MLST8: variants seen among roughly 807,000 people sequenced by gnomAD.
MLST8 encodes target of rapamycin complex subunit LST8.
A neutral mutation model predicts 41.3 loss-of-function variants in MLST8; 20 were observed. That is an observed-to-expected ratio of 0.48 (90% CI 0.34 to 0.70). MLST8 has a LOEUF of 0.70. Among genes scored for constraint, MLST8 ranks in the 30% least tolerant of loss-of-function variants. The pLI, the probability that MLST8 is intolerant of heterozygous loss-of-function variation, is 0.01. For synonymous variants in MLST8, 243 were observed against 183.0 expected (o/e 1.33, Z -2.65); for missense variants, 422 against 454.3 (o/e 0.93, Z 0.65).
intron 6 of MLST8, 135 bp downstream of exon 6, chr16:2,207,480 GC>G: frequency 2.7e-6 from 3 of 1,100,546 alleles, no homozygotes; most frequent in Non-Finnish European, 3.9e-6. Context: ...CACCCACCTT[GC>G]CAGCAAAGCC....
At chr16:2,207,644 T>A (rs949864592) in intron 6 of MLST8, 8 of 439,724 alleles carry the variant, frequency 1.8e-5, no homozygotes, top group Non-Finnish European at 2.9e-5. Flanking sequence ...GCTGACACAC[T>A]CTCTGAGGCT....
rs557627062 is a variant in MLST8 at position 2,206,052 on chromosome 16, G to T, written c.-34G>T. ...GCAGATGCTCTGACCTTTGACCCCT[G>T]CCGTTCAGCTCTAGGGCCCGTGCAG... On this transcript the variant is annotated 5_prime_UTR_variant, in exon 2 of 9. Coordinates refer to ENST00000569417, the MANE Select transcript of MLST8 (RefSeq NM_022372.6). 1.3e-5 allele frequency: 20 copies of T among 1,548,536 alleles called. No individual in the cohort carries two copies. In the East Asian group the frequency reaches 3.2e-4, roughly 25 times the overall value.
rs201676264 is a variant in MLST8 at position 2,206,540 on chromosome 16, T to G, written c.225T>G (p.Pro75=). The change falls in exon 4 of 9, where the codon CCT becomes CCG. Residue 75 remains proline, a synonymous_variant. Coordinates refer to ENST00000569417, the MANE Select transcript of MLST8 (RefSeq NM_022372.6). ...TGTATGATCTCAACTCCAATAACCC[T>G]AACCCCATCATCAGCTACGACGGCG... The part of the protein sequence containing the change: ...IRMYDLNSNN[P]NPIISYDGVN... 1 of 1,613,940 alleles carries G rather than the reference T, an allele frequency of 6.2e-7. No homozygotes were observed. The highest frequency in any genetic ancestry group is 1.7e-5 in the Admixed American group (1 of 60,006).
At position 2,208,630 on chromosome 16, in the gene MLST8, C is replaced by T. The variant is rs1208611340; in HGVS notation, c.862+17C>T. 3 of 1,611,870 alleles carry T rather than the reference C, an allele frequency of 1.9e-6. No individual in the cohort carries two copies. The East Asian group carries it at 6.7e-5, about 36-fold the overall frequency. ...TCGTCACTGGTGAGCCCCGCCCTGGCCTCCCCCATCCCTGGCCCCCGGCGC... is the reference window on the plus strand; with the variant it reads ...TCGTCACTGGTGAGCCCCGCCCTGGTCTCCCCCATCCCTGGCCCCCGGCGC... On this transcript the variant is annotated intron_variant, in intron 8 of 8. Coordinates refer to ENST00000569417, the MANE Select transcript of MLST8 (RefSeq NM_022372.6).
At position 2,207,053 on chromosome 16, in the gene MLST8, C is replaced by T; in HGVS notation, c.363C>T (p.Cys121=). The change falls in exon 5 of 9, where the codon TGC becomes TGT. Residue 121 remains cysteine, a synonymous_variant. Transcript: ENST00000569417. ...IWDLRSRNLQ[C]QRIFQVNAPI... ...CCCGCAGGTCCCGGAACCTGCAGTG[C>T]CAGCGGATCTTCCAGGTGAACGCAC... 6.2e-7 allele frequency: 1 copy of T among 1,613,550 alleles called. No individual in the cohort carries two copies. Among genetic ancestry groups the T allele is most frequent in the Non-Finnish European group, 8.5e-7 (1 of 1,179,988 alleles).
chr16:2,209,042 C>T lies in MLST8; in HGVS notation c.*165C>T, dbSNP rs1017157175. ...GCCAGGCTGCCCTGGGACTCTCAGC[C>T]CCCAGTTGCTTATCCAGATGTGACA... On this transcript the variant is annotated 3_prime_UTR_variant, in exon 9 of 9. Coordinates refer to ENST00000569417, the MANE Select transcript of MLST8 (RefSeq NM_022372.6). 1.3e-6 allele frequency: 1 copy of T among 751,236 alleles called. No homozygotes were observed. Among genetic ancestry groups the T allele is most frequent in the Non-Finnish European group, 2.2e-6 (1 of 450,596 alleles). The allele number at this position is 751,236 out of a possible 1,614,324, so 46.5% of individuals were successfully genotyped here.
chr16:2,206,092 A>T lies in MLST8; in HGVS notation c.7A>T (p.Thr3Ser), dbSNP rs1443101666. 1 of 1,598,704 alleles carries T rather than the reference A, an allele frequency of 6.3e-7. No individual in the cohort carries two copies. Among genetic ancestry groups the T allele is most frequent in the Non-Finnish European group, 8.5e-7 (1 of 1,169,906 alleles). The change falls in exon 2 of 9, where the codon ACC (threonine) becomes TCC (serine). Residue 3 changes from threonine to serine, a missense_variant. Transcript: ENST00000569417. MN[T>S]SPGTVGSDPV... Reference sequence around the variant, plus strand: ...GGCCCGTGCAGGCCACACCATGAACACCTCCCCAGGCACGGTGGGCAGTGA... The same window carrying T: ...GGCCCGTGCAGGCCACACCATGAACTCCTCCCCAGGCACGGTGGGCAGTGA...
chr16:2,206,848 C>A, intron 4 of MLST8, 187 bp from the exon 5 acceptor site: 1 of 1,018,460 alleles, frequency 9.8e-7, no homozygotes, highest in Non-Finnish European at 1.5e-6. Context: ...CCGGAGCCAG[C>A]TTGTTATTCC....
chr16:2,205,458 C>T lies in MLST8; in HGVS notation c.-110C>T, dbSNP rs1016640759. On this transcript the variant is annotated 5_prime_UTR_variant, in exon 1 of 9. Transcript: ENST00000569417. ...ACTCTACGCTCGGCCTCGATCGACT[C>T]GCTCCGGCTCCCCTCGCCGTCCTGG... 8.4e-4 allele frequency: 129 copies of T among 153,382 alleles called. No individual in the cohort carries two copies. The highest frequency in any genetic ancestry group is 3.0e-3 in the African/African-American group (124 of 41,576). 9.5% of individuals were successfully genotyped at this position (153,382 alleles called of 1,614,324 possible). A position where few individuals can be genotyped will look rare whatever the true frequency, so the allele number is the denominator to read the frequency against.
At position 2,207,032 on chromosome 16, in the gene MLST8, C is replaced by A. The variant is rs2093305372; in HGVS notation, c.345-3C>A. On this transcript the variant is annotated splice_polypyrimidine_tract_variant and splice_region_variant and intron_variant, in intron 4 of 8. Transcript: ENST00000569417. ...ACAGCATGTGCCCCGGCCCGGCCCG[C>A]AGGTCCCGGAACCTGCAGTGCCAGC... The A allele has an allele frequency of 6.2e-7, 1 of 1,613,094 alleles. No individual in the cohort carries two copies. Among genetic ancestry groups the A allele is most frequent in the Non-Finnish European group, 8.5e-7 (1 of 1,179,884 alleles).
rs2093349633 is a variant in MLST8, at chr16:2,208,745, A to G, written c.863-14A>G. 4.3e-6 allele frequency: 7 copies of G among 1,613,464 alleles called. No individual in the cohort carries two copies. Among genetic ancestry groups the G allele is most frequent in the South Asian group, 1.1e-5 (1 of 91,050 alleles). On this transcript the variant is annotated splice_polypyrimidine_tract_variant and intron_variant, in intron 8 of 8. Transcript: ENST00000569417. ...GCACCTGCGCTCTTAGCCCTGCACAATCTCCCCCTCCAGCTTCCTCGGACA... is the reference window on the plus strand; with the variant it reads ...GCACCTGCGCTCTTAGCCCTGCACAGTCTCCCCCTCCAGCTTCCTCGGACA...
chr16:2,207,057 C>T lies in MLST8; in HGVS notation c.367C>T (p.Arg123Trp), dbSNP rs978979894. ...DLRSRNLQCQ[R>W]IFQVNAPINC... is the part of the protein sequence containing the mutation. ...CAGGTCCCGGAACCTGCAGTGCCAGCGGATCTTCCAGGTGAACGCACCCAT... is the reference window on the plus strand; with the variant it reads ...CAGGTCCCGGAACCTGCAGTGCCAGTGGATCTTCCAGGTGAACGCACCCAT... Residue 123 changes from arginine (R) to tryptophan (W), a missense_variant, in exon 5 of 9, where the codon CGG becomes TGG. Coordinates refer to ENST00000569417, the MANE Select transcript of MLST8 (RefSeq NM_022372.6). 2 of 1,613,596 alleles carry T rather than the reference C, an allele frequency of 1.2e-6. No homozygotes were observed. Among genetic ancestry groups the T allele is most frequent in the East Asian group, 2.2e-5 (1 of 44,878 alleles).
At chr16:2,206,799 G>A (rs1238471156) in intron 4 of MLST8, 140 bp downstream of exon 4, 5 of 1,094,394 alleles carry the variant, frequency 4.6e-6, no homozygotes, top group Middle Eastern at 1.9e-4. Context: ...AGGACAGGAG[G>A]AGAGTGAATT....
chr16:2,208,251 C>T lies in MLST8; in HGVS notation c.615C>T (p.Asp205=), dbSNP rs532321535. Residue 205 remains aspartate (D), a synonymous_variant, in exon 7 of 9, where the codon GAC becomes GAT. Transcript: ENST00000569417. ...GGAATCTGACGGGGGGCATTGGTGA[C>T]GAGGTGACCCAGCTCATCCCCAAGA... is the stretch of plus-strand genomic sequence containing the variant. The part of the protein sequence containing the change: ...YVWNLTGGIG[D]EVTQLIPKTK... 87 of 1,613,518 alleles carry T rather than the reference C, an allele frequency of 5.4e-5. No individual in the cohort carries two copies. The highest frequency in any genetic ancestry group is 4.6e-4 in the South Asian group (42 of 91,060).
Position 2,208,921 on chromosome 16 carries a change from G to A in MLST8, c.*44G>A. On this transcript the variant is annotated 3_prime_UTR_variant, in exon 9 of 9. Transcript: ENST00000569417. ...TGCCTGGTGCAGGTGGTGGCAGCTG[G>A]AGGGACCCATGCAGCACCCAGGTCA... The A allele has an allele frequency of 1.3e-6, 2 of 1,598,712 alleles. No homozygotes were observed. The highest frequency in any genetic ancestry group is 1.7e-6 in the Non-Finnish European group (2 of 1,171,546).
Position 2,209,049 on chromosome 16 carries a change from T to G in MLST8, c.*172T>G, listed in dbSNP as rs1168491380. On this transcript the variant is annotated 3_prime_UTR_variant, in exon 9 of 9. Transcript: ENST00000569417. ...TGCCCTGGGACTCTCAGCCCCCAGT[T>G]GCTTATCCAGATGTGACAGAGCTCG... The G allele has an allele frequency of 2.8e-6, 2 of 725,584 alleles. No individual in the cohort carries two copies. The highest frequency in any genetic ancestry group is 4.6e-6 in the Non-Finnish European group (2 of 431,000). The allele number at this position is 725,584 out of a possible 1,614,324, so 44.9% of individuals were successfully genotyped here.
Position 2,207,129 on chromosome 16 carries a change from G to T in MLST8, c.420+19G>T. 1 of 1,613,404 alleles carries T rather than the reference G, an allele frequency of 6.2e-7. No homozygotes were observed. Among genetic ancestry groups the T allele is most frequent in the Non-Finnish European group, 8.5e-7 (1 of 1,179,540 alleles). On this transcript the variant is annotated intron_variant, in intron 5 of 8. Coordinates refer to ENST00000569417, the MANE Select transcript of MLST8 (RefSeq NM_022372.6). ...CAACCAGGTGAGGGGTGCTCATGGG[G>T]CCAGGCACCCTGGGACTTTGGAGGG...
intron 1 of MLST8, 89 bp from the exon 2 acceptor site, chr16:2,205,942 T>G: frequency 6.9e-7 from 1 of 1,448,220 alleles, no homozygotes; most frequent in South Asian, 1.5e-5. Flanking sequence ...AAAATGGGAA[T>G]GATAAGCGCC....
chr16:2,207,389 C>T, intron 6 of MLST8, 44 bp downstream of exon 6: 1 of 1,595,826 alleles, frequency 6.3e-7, no homozygotes, highest in Non-Finnish European at 8.6e-7. Flanking sequence ...GCTTGGCACT[C>T]AGCCCTCAGC....
Sources: allele counts gnomAD v4.1 joint callset, GRCh38; gene constraint gnomAD v4.1.1; transcripts MANE v1.5; gene names NCBI Gene and HGNC (gene_info 2026-07-23, HGNC 2026-07-21).